The following GAB3 variants were observed in gnomAD, a reference collection of about 807,000 sequenced individuals.
GAB3 encodes the protein GRB2 associated binding protein 3.
A neutral mutation model predicts 40.4 loss-of-function variants in GAB3; 12 were observed. The observed-to-expected ratio is 0.30, with a 90% CI of 0.19 to 0.48. GAB3 has a LOEUF of 0.48. Ranked by LOEUF, GAB3 falls within the 20% of genes least tolerant of loss-of-function variation. The pLI, the probability that GAB3 is intolerant of heterozygous loss-of-function variation, is 0.99. For synonymous variants in GAB3, 154 were observed against 176.7 expected, an observed-to-expected ratio of 0.87 and a Z score of 1.02; for missense variants, 381 against 461.9, an observed-to-expected ratio of 0.82 and a Z score of 1.61.
intron 1 of GAB3, among the ~76,000 whole-genome samples, chrX:154,732,826 A>C (rs1335674663): frequency 1.8e-5 from 2 of 110,355 alleles, no homozygotes; most frequent in Non-Finnish European, 3.8e-5. Flanking sequence ...TGCCAAAACC[A>C]CCTCCGAGCC....
intron 6 of GAB3, among the ~76,000 whole-genome samples, chrX:154,697,635 CATTGTCCACCTG>C (rs1463072599): frequency 8.9e-6 from 1 of 111,889 alleles, no homozygotes; most frequent in African/African-American, 3.3e-5. Flanking sequence ...ACCTACAATC[CATTGTCCACCTG>C]ATGATCCTTC....
chrX:154,718,352 T>C (rs2071078161), intron 1 of GAB3, among the ~76,000 whole-genome samples: 1 of 109,202 alleles, frequency 9.2e-6, no homozygotes, highest in South Asian at 4.0e-4. Flanking sequence ...GAACCCTGGT[T>C]TGCTCCTGCC....
intron 4 of GAB3, among the ~76,000 whole-genome samples, chrX:154,708,327 A>AT (rs2148446100): frequency 8.9e-6 from 1 of 112,552 alleles, no homozygotes; most frequent in East Asian, 2.8e-4. Flanking sequence ...TGACAATGAT[A>AT]TTTTGGATAT....
rs782184267 is a variant in GAB3 at position 154,694,034 on chromosome X, A to T, written c.1530+1883T>A. Reference sequence around the variant, plus strand: ...TTCAGATCAGAACTTGCCCTTAAAGAGAAAAAAAAAAATTAACATATATAC... The same window carrying T: ...TTCAGATCAGAACTTGCCCTTAAAGTGAAAAAAAAAAATTAACATATATAC... On this transcript the variant is annotated intron_variant, in intron 8 of 9. Coordinates refer to ENST00000424127, the MANE Select transcript of GAB3 (RefSeq NM_001081573.3). Among the ~76,000 whole-genome samples the T allele has an allele frequency of 6.9e-4, 77 of 111,185 alleles. 1 individual carries two copies. Among genetic ancestry groups the T allele is most frequent in the Non-Finnish European group, 1.4e-3 (74 of 53,028 alleles).
rs2070313382 is a variant in GAB3, at chrX:154,677,640, T to C, written c.*538A>G. The C allele has an allele frequency of 8.7e-6, 1 of 114,710 alleles. No individual in the cohort carries two copies. Among genetic ancestry groups the C allele is most frequent in the African/African-American group, 3.2e-5 (1 of 30,805 alleles). The allele number at this position is 114,710 out of a possible 1,213,427, so 9.5% of individuals were successfully genotyped here. On this transcript the variant is annotated 3_prime_UTR_variant, in exon 10 of 10. Coordinates refer to ENST00000424127, the MANE Select transcript of GAB3 (RefSeq NM_001081573.3). The stretch of plus-strand genomic sequence containing the variant: ...GAGCCACCAGTGTCATCTGATATAC[T>C]TATCTCAGAGCCTGAGATCCATTGC...
intron 1 of GAB3, among the ~76,000 whole-genome samples, chrX:154,720,626 CAAAAAAAAAAAA>C (rs782047643): frequency 1.3e-4 from 4 of 30,787 alleles, no homozygotes; most frequent in East Asian, 1.2e-3. Context: ...GACTCCGTCT[CAAAAAAAAAAAA>C]AAAAAAAAAA....
At chrX:154,721,403 C>T (rs1259766279) in intron 1 of GAB3, among the ~76,000 whole-genome samples, 2 of 112,292 alleles carry the variant, frequency 1.8e-5, no homozygotes, top group African/African-American at 6.5e-5. Context: ...GCTGTGTCAC[C>T]CCATAGCAGA....
intron 1 of GAB3, among the ~76,000 whole-genome samples, chrX:154,733,150 G>C: frequency 8.9e-6 from 1 of 112,401 alleles, no homozygotes; most frequent in East Asian, 2.8e-4. Flanking sequence ...ACATGTGCAA[G>C]TTAGGGTTCA....
chrX:154,678,261 A>G lies in GAB3; in HGVS notation c.1681T>C (p.Tyr561His). The change falls in exon 10 of 10, where the codon TAT becomes CAT. Residue 561 changes from tyrosine to histidine, a missense_variant. Around this residue, in one of 2 missense-constraint regions of GAB3, gnomAD observed 17 missense variants for 40.9 expected, o/e 0.42. Coordinates refer to ENST00000424127, the MANE Select transcript of GAB3 (RefSeq NM_001081573.3). Reference sequence around the variant, plus strand: ...GTCTTCTGCTCATCCACTTGGACATAGTCTACTCTTTGTTCTTCTGAAAGG... The same window carrying G: ...GTCTTCTGCTCATCCACTTGGACATGGTCTACTCTTTGTTCTTCTGAAAGG... ...LLLSEEQRVD[Y>H]VQVDEQKTQA... 8.4e-7 allele frequency: 1 copy of G among 1,190,215 alleles called. No individual in the cohort carries two copies. Among genetic ancestry groups the G allele is most frequent in the Non-Finnish European group, 1.1e-6 (1 of 877,840 alleles).
chrX:154,710,073 A>AT (rs2070907324), intron 4 of GAB3, among the ~76,000 whole-genome samples: 1 of 100,770 alleles, frequency 9.9e-6, no homozygotes, highest in East Asian at 3.1e-4. Context: ...TCAGTACATA[A>AT]TGCATATGCA....
intron 8 of GAB3, among the ~76,000 whole-genome samples, chrX:154,688,470 G>A (rs2070493775): frequency 9.1e-6 from 1 of 110,388 alleles, no homozygotes; most frequent in Admixed American, 9.7e-5. Flanking sequence ...AGTAGAGACA[G>A]GGTTTCACCA....
chrX:154,711,965 G>A (rs1183911176), intron 4 of GAB3, among the ~76,000 whole-genome samples: 1 of 112,136 alleles, frequency 8.9e-6, no homozygotes, highest in Non-Finnish European at 1.9e-5. Context: ...GGGGGATCCA[G>A]GAACAGAAGA....
Position 154,699,526 on chromosome X carries a change from A to T in GAB3, c.1126-13T>A. 2 of 1,192,025 alleles carry T rather than the reference A, an allele frequency of 1.7e-6. No individual in the cohort carries two copies. The highest frequency in any genetic ancestry group is 2.3e-6 in the Non-Finnish European group (2 of 880,025). On this transcript the variant is annotated splice_polypyrimidine_tract_variant and intron_variant, in intron 5 of 9. Coordinates refer to ENST00000424127, the MANE Select transcript of GAB3 (RefSeq NM_001081573.3). ...AGAACCTGCATGGCTGCAAAAGAAT[A>T]GATACAGATTGGGAACCACAGACCA...
rs1557257595 is a variant in GAB3 at position 154,716,188 on chromosome X, C to T, written c.214G>A (p.Gly72Ser). The T allele has an allele frequency of 1.6e-6, 2 of 1,212,313 alleles. No individual in the cohort carries two copies. Among genetic ancestry groups the T allele is most frequent in the Admixed American group, 2.2e-5 (1 of 46,155 alleles). ...LSECAVWKHV[G>S]PSFVRKEFQN... ...AATTCCTTCCGAACAAAGCTGGGGC[C>T]CACATGCTTCCACACTGCACACTCG... Residue 72 changes from glycine to serine, a missense_variant, in exon 2 of 10, where the codon GGC becomes AGC. Coordinates refer to ENST00000424127, the MANE Select transcript of GAB3 (RefSeq NM_001081573.3).
intron 8 of GAB3, among the ~76,000 whole-genome samples, chrX:154,690,256 A>T (rs2070534800): frequency 9.0e-6 from 1 of 111,512 alleles, no homozygotes; most frequent in African/African-American, 3.3e-5. Context: ...CACCTTATAC[A>T]AAAATTAATT....
intron 1 of GAB3, among the ~76,000 whole-genome samples, chrX:154,745,741 G>A (rs1458538149): frequency 8.9e-6 from 1 of 111,861 alleles, no homozygotes; most frequent in Non-Finnish European, 1.9e-5. Context: ...AACCCACATA[G>A]CCCTATATCT....
rs782348451 is a variant in GAB3 at position 154,723,175 on chromosome X, C to T, written c.73-6846G>A. ...GATTACAGGCGTGAACCACCGTGCC[C>T]GGCCTTGTGTTTTCTTTTATGACAA... On this transcript the variant is annotated intron_variant, in intron 1 of 9. Transcript: ENST00000424127. Among the ~76,000 whole-genome samples, 11 of 112,132 alleles carry T rather than the reference C, an allele frequency of 9.8e-5. No homozygotes were observed. The South Asian group carries it at 1.9e-3, about 19-fold the overall frequency.
At chrX:154,720,388 A>G (rs150697653) in intron 1 of GAB3, among the ~76,000 whole-genome samples, 1,234 of 111,827 alleles carry the variant, frequency 0.011, 14 homozygotes, top group African/African-American at 0.038. Flanking sequence ...TGAGTTCATT[A>G]TGATATTAGA....
intron 8 of GAB3, among the ~76,000 whole-genome samples, chrX:154,688,971 ATT>A (rs1387267394): frequency 1.0e-4 from 11 of 110,404 alleles, no homozygotes; most frequent in Non-Finnish European, 1.3e-4. Context: ...AAAAAAGAGA[ATT>A]TTAGACCAAT....
Sources: allele counts gnomAD v4.1 joint callset (sites outside exome capture counted in the v4.1 genomes callset), GRCh38; gene constraint gnomAD v4.1.1; regional missense constraint gnomAD v4.1.1; transcripts MANE v1.5; gene names NCBI Gene and HGNC (gene_info 2026-07-23, HGNC 2026-07-21).